ATF7IP: variants seen among roughly 807,000 people sequenced by gnomAD.
ATF7IP encodes activating transcription factor 7-interacting protein 1.
Under a neutral mutation model 106.4 loss-of-function variants are expected in ATF7IP, and 23 were observed. The ratio of observed to expected loss-of-function variants is 0.22; its 90% CI spans 0.16 to 0.31. The LOEUF (loss-of-function observed/expected upper bound fraction) is 0.31, where lower values mean the gene tolerates loss of function less well. ATF7IP is among the 10% of genes least tolerant of loss of function. ATF7IP has a pLI of 1.00. For missense variants in ATF7IP, 1,334 were observed against 1,524.3 expected (o/e 0.88, Z 2.08); for synonymous variants, 542 against 539.0 (o/e 1.01, Z -0.08).
At chr12:14,387,283 A>C (rs1472861894) in intron 1 of ATF7IP, among the ~76,000 whole-genome samples, 3 of 152,078 alleles carry the variant, frequency 2.0e-5, no homozygotes, top group African/African-American at 7.2e-5. Context: ...TTATCCTTGG[A>C]GTGAGTATGA....
At chr12:14,439,759 G>A (rs978962791) in intron 5 of ATF7IP, among the ~76,000 whole-genome samples, 5 of 152,102 alleles carry the variant, frequency 3.3e-5, no homozygotes, top group Admixed American at 2.0e-4. Flanking sequence ...CTTGAACCTG[G>A]GAGGTGGAGG....
intron 2 of ATF7IP, among the ~76,000 whole-genome samples, chr12:14,426,503 G>C (rs1421125482): frequency 6.7e-6 from 1 of 149,854 alleles, no homozygotes; most frequent in African/African-American, 2.4e-5. Flanking sequence ...TTTGGAGGTA[G>C]AGATTTTTTT....
At position 14,496,252 on chromosome 12, in the gene ATF7IP, AAAC is replaced by A; in HGVS notation, c.3306_3308del (p.Thr1104del). On this transcript the variant is annotated inframe_deletion, in exon 14 of 15. Coordinates refer to ENST00000261168, the MANE Select transcript of ATF7IP (RefSeq NM_018179.5). ...GTAGGTGTTACAGTTCGAGTGCCTCAAACAACCACATATGTTGTAAACAATGGA... is the reference window on the plus strand; with the variant it reads ...GTAGGTGTTACAGTTCGAGTGCCTCAAACCACATATGTTGTAAACAATGGA... 1.9e-6 allele frequency: 3 copies of A among 1,613,356 alleles called. No individual in the cohort carries two copies. The South Asian group carries it at 3.3e-5, about 18-fold the overall frequency.
intron 8 of ATF7IP, among the ~76,000 whole-genome samples, chr12:14,459,359 T>G (rs1023544694): frequency 1.3e-5 from 2 of 152,182 alleles, no homozygotes; most frequent in Non-Finnish European, 2.9e-5. Context: ...CATGGAATAT[T>G]AAGAAAAGAA....
At chr12:14,416,468 G>T (rs988788842) in intron 1 of ATF7IP, among the ~76,000 whole-genome samples, 5 of 152,044 alleles carry the variant, frequency 3.3e-5, no homozygotes, top group African/African-American at 1.2e-4. Flanking sequence ...CTAAGCTTTT[G>T]CTTTAGTTTT....
chr12:14,386,971 CA>C (rs1939274435), intron 1 of ATF7IP, among the ~76,000 whole-genome samples: 1 of 151,436 alleles, frequency 6.6e-6, no homozygotes, highest in African/African-American at 2.4e-5. Context: ...TTGTTATTTA[CA>C]TTTTTTTTAA....
rs138409161 is a variant in ATF7IP, at chr12:14,405,083, G to T, written c.-7-18826G>T. Among the ~76,000 whole-genome samples the T allele has an allele frequency of 4.5e-3, 685 of 152,240 alleles. 2 individuals are homozygous for T. Among genetic ancestry groups the T allele is most frequent in the African/African-American group, 0.016 (657 of 41,544 alleles). On this transcript the variant is annotated intron_variant, in intron 1 of 14. Transcript: ENST00000261168. ...GTAGATTGTATTCTTAGGCATTGTT[G>T]CTAGGAAAAATTTAGAGTGGAAATG...
In ATF7IP at chr12:14,502,867, G is replaced by T. The variant is rs1013697396; in HGVS notation, c.*4794G>T. 6.6e-6 allele frequency: 1 copy of T among 152,074 alleles called. No homozygotes were observed. The highest frequency in any genetic ancestry group is 2.4e-5 in the African/African-American group (1 of 41,410). 9.4% of individuals were successfully genotyped at this position (152,074 alleles called of 1,614,324 possible). A position where few individuals can be genotyped will look rare whatever the true frequency, so the allele number is the denominator to read the frequency against. On this transcript the variant is annotated 3_prime_UTR_variant, in exon 15 of 15. Coordinates refer to ENST00000261168, the MANE Select transcript of ATF7IP (RefSeq NM_018179.5). ...AGTGGTGTCTGTATAAGTGTTACCTGTAGTGGGGTTTTGTCCAGCAAGCCT... is the reference window on the plus strand; with the variant it reads ...AGTGGTGTCTGTATAAGTGTTACCTTTAGTGGGGTTTTGTCCAGCAAGCCT...
At chr12:14,472,470 G>A (rs1944086854) in intron 10 of ATF7IP, among the ~76,000 whole-genome samples, 1 of 152,116 alleles carries the variant, frequency 6.6e-6, no homozygotes, top group African/African-American at 2.4e-5. Context: ...TTGAATGTGT[G>A]TAGGGATGTA....
At position 14,478,441 on chromosome 12, in the gene ATF7IP, A is replaced by G. The variant is rs983061011; in HGVS notation, c.3066A>G (p.Pro1022=). Residue 1022 remains proline, a synonymous_variant, in exon 12 of 15, where the codon CCA becomes CCG. Transcript: ENST00000261168. ...LQPSGVPTSG[P]SQTTIHLLPT... is the part of the protein sequence containing the mutation. ...CATCTGGGGTGCCAACAAGTGGACC[A>G]TCTCAGACCACCATACACTTACTAC... 47 of 1,613,980 alleles carry G rather than the reference A, an allele frequency of 2.9e-5. No individual in the cohort carries two copies. The highest frequency in any genetic ancestry group is 3.8e-5 in the Non-Finnish European group (45 of 1,179,954).
At chr12:14,423,591 T>C (rs1652737268) in intron 1 of ATF7IP, among the ~76,000 whole-genome samples, 1 of 147,094 alleles carries the variant, frequency 6.8e-6, no homozygotes, top group Admixed American at 6.8e-5. Flanking sequence ...TTTTTTTTTT[T>C]TTTTTTTACT....
chr12:14,385,869 G>T (rs1284972787), intron 1 of ATF7IP, among the ~76,000 whole-genome samples: 2 of 151,726 alleles, frequency 1.3e-5, no homozygotes, highest in East Asian at 3.9e-4. Context: ...TATAAATCAT[G>T]AAAAAAAATT....
At chr12:14,435,922 T>C (rs1322316934) in intron 3 of ATF7IP, among the ~76,000 whole-genome samples, 184 bp from the exon 4 acceptor site, 1 of 152,230 alleles carries the variant, frequency 6.6e-6, no homozygotes, top group African/African-American at 2.4e-5. Flanking sequence ...ATTTAGTATA[T>C]TGAAAGTCAT....
intron 1 of ATF7IP, among the ~76,000 whole-genome samples, chr12:14,417,788 C>A (rs1323290437): frequency 2.0e-5 from 3 of 152,110 alleles, no homozygotes; most frequent in Admixed American, 2.0e-4. Context: ...TTACTTATTT[C>A]AAACAAAGAA....
At chr12:14,408,122 A>ACACG (rs1317098998) in intron 1 of ATF7IP, among the ~76,000 whole-genome samples, 1 of 151,208 alleles carries the variant, frequency 6.6e-6, no homozygotes. Flanking sequence ...ATGTGCACAC[A>ACACG]CACACACACA....
chr12:14,481,449 T>C (rs1944425174), intron 13 of ATF7IP: 1 of 398,504 alleles, frequency 2.5e-6, no homozygotes, highest in Non-Finnish European at 4.1e-6. Context: ...TGTGAGATCA[T>C]GCATATGTCA....
chr12:14,497,947 T>C lies in ATF7IP; in HGVS notation c.3687T>C (p.Thr1229=). ...CACTTCCCTTGCCCATGGCATGTAC[T>C]CTCACCCAGTTTGTATCTGGTAGCA... The part of the protein sequence containing the change: ...VKALPLPMAC[T]LTQFVSGSKY... The change falls in exon 15 of 15, where the codon ACT becomes ACC. Residue 1229 remains threonine, a synonymous_variant. Coordinates refer to ENST00000261168, the MANE Select transcript of ATF7IP (RefSeq NM_018179.5). 1.2e-6 allele frequency: 2 copies of C among 1,614,190 alleles called. No individual in the cohort carries two copies. The highest frequency in any genetic ancestry group is 1.7e-6 in the Non-Finnish European group (2 of 1,180,032).
intron 6 of ATF7IP, among the ~76,000 whole-genome samples, chr12:14,447,479 A>G (rs1453963755): frequency 1.3e-5 from 2 of 151,818 alleles, no homozygotes; most frequent in Non-Finnish European, 1.5e-5. Flanking sequence ...ACGGGGTTTC[A>G]CCATGTTGGC....
rs1945056880 is a variant in ATF7IP at position 14,497,745 on chromosome 12, A to G, written c.3485A>G (p.Gln1162Arg). ...PPEAASTSLP[Q>R]KPHLKLARVQ... The stretch of plus-strand genomic sequence containing the variant: ...GAAGCTGCCAGCACATCTCTGCCTC[A>G]GAAGCCACACTTGAAGTTAGCACGC... Residue 1162 changes from glutamine (Q) to arginine (R), a missense_variant, in exon 15 of 15, where the codon CAG becomes CGG. By Grantham distance (43) the Gln-to-Arg change is conservative. Around this residue, in one of 10 missense-constraint regions of ATF7IP, gnomAD observed 80 missense variants for 157.0 expected, o/e 0.51. Coordinates refer to ENST00000261168, the MANE Select transcript of ATF7IP (RefSeq NM_018179.5). 6.2e-7 allele frequency: 1 copy of G among 1,614,192 alleles called. No individual in the cohort carries two copies. Among genetic ancestry groups the G allele is most frequent in the African/African-American group, 1.3e-5 (1 of 75,050 alleles).
Sources: gnomAD v4.1 joint callset for allele counts (sites outside exome capture counted in the v4.1 genomes callset) on GRCh38, gnomAD v4.1.1 for gene constraint, gnomAD v4.1.1 regional missense constraint, MANE v1.5 for transcripts, NCBI Gene and HGNC (gene_info 2026-07-23, HGNC 2026-07-21) for gene names.